The following MIPOL1 variants were observed in gnomAD, a reference collection of about 807,000 sequenced individuals.
MIPOL1 encodes mirror-image polydactyly 1.
Under a neutral mutation model 60.9 loss-of-function variants are expected in MIPOL1, and 57 were observed. The observed-to-expected ratio is 0.94, with a 90% CI of 0.76 to 1.17. The LOEUF (loss-of-function observed/expected upper bound fraction) is 1.17, where lower values mean the gene tolerates loss of function less well. MIPOL1 is among the 50% of genes most tolerant of loss of function. MIPOL1 has a pLI of 0.00. For synonymous variants in MIPOL1, 179 were observed against 168.8 expected (o/e 1.06, Z -0.47); for missense variants, 551 against 511.6 (o/e 1.08, Z -0.74).
chr14:37,286,755 T>C (rs1403833337), intron 7 of MIPOL1, among the ~76,000 whole-genome samples: 1 of 152,022 alleles, frequency 6.6e-6, no homozygotes, highest in Non-Finnish European at 1.5e-5. Context: ...TTATACAGCA[T>C]TAAACTCATT....
intron 11 of MIPOL1, chr14:37,423,391 A>G (rs2093909515): frequency 6.6e-6 from 1 of 151,372 alleles, no homozygotes; most frequent in Non-Finnish European, 1.5e-5. Context: ...AATATGACAG[A>G]CTTATTAATT....
chr14:37,440,625 A>G (rs1438071610), intron 11 of MIPOL1, among the ~76,000 whole-genome samples: 2 of 152,154 alleles, frequency 1.3e-5, no homozygotes, highest in Admixed American at 6.6e-5. Context: ...TTTATAGCTG[A>G]GTAGTATTCT....
At chr14:37,360,763 A>C (rs556363130) in intron 9 of MIPOL1, among the ~76,000 whole-genome samples, 6 of 152,274 alleles carry the variant, frequency 3.9e-5, no homozygotes, top group African/African-American at 1.2e-4. Flanking sequence ...CTTTTCAAAA[A>C]ACCAGCTCCT....
chr14:37,220,641 C>T (rs1436544028), intron 1 of MIPOL1, among the ~76,000 whole-genome samples: 1 of 152,186 alleles, frequency 6.6e-6, no homozygotes, highest in Non-Finnish European at 1.5e-5. Flanking sequence ...AATGCACTGT[C>T]ACAATTTCCT....
intron 11 of MIPOL1, among the ~76,000 whole-genome samples, chr14:37,464,656 G>A (rs1014215882): frequency 6.6e-6 from 1 of 152,104 alleles, no homozygotes; most frequent in African/African-American, 2.4e-5. Flanking sequence ...TTTGGGTGGT[G>A]GCTGTACTAA....
chr14:37,209,766 CA>C (rs1210126138), intron 1 of MIPOL1, among the ~76,000 whole-genome samples: 1 of 152,086 alleles, frequency 6.6e-6, no homozygotes, highest in Non-Finnish European at 1.5e-5. Flanking sequence ...TACAGTGGTG[CA>C]AACATGGCTC....
chr14:37,445,628 CA>C (rs1480687861), intron 11 of MIPOL1, among the ~76,000 whole-genome samples: 2 of 151,390 alleles, frequency 1.3e-5, no homozygotes, highest in East Asian at 3.9e-4. Context: ...AATCCTAAGC[CA>C]AAAGAACAAA....
At chr14:37,295,630 CA>C (rs1240188618) in intron 7 of MIPOL1, among the ~76,000 whole-genome samples, 2 of 151,450 alleles carry the variant, frequency 1.3e-5, no homozygotes, top group Non-Finnish European at 2.9e-5. Context: ...AAATGGAAAA[CA>C]AAAAAAGGCA....
chr14:37,497,048 A>C (rs931002619), intron 11 of MIPOL1, among the ~76,000 whole-genome samples: 1 of 152,012 alleles, frequency 6.6e-6, no homozygotes, highest in Non-Finnish European at 1.5e-5. Flanking sequence ...TGGGGAAAGG[A>C]TTCCCTATTT....
chr14:37,231,133 C>T (rs966919235), intron 1 of MIPOL1, among the ~76,000 whole-genome samples: 28 of 152,108 alleles, frequency 1.8e-4, no homozygotes, highest in Admixed American at 1.2e-3. Context: ...CTTGCTGTAT[C>T]GCCCAGGCTG....
intron 12 of MIPOL1, chr14:37,523,381 T>G (rs2095426443): frequency 2.9e-6 from 1 of 346,492 alleles, no homozygotes; most frequent in East Asian, 3.9e-5. Flanking sequence ...AAGTGAAAAT[T>G]TAAACACAAA....
At chr14:37,497,360 T>C (rs1184824696) in intron 11 of MIPOL1, among the ~76,000 whole-genome samples, 3 of 152,240 alleles carry the variant, frequency 2.0e-5, no homozygotes, top group Non-Finnish European at 4.4e-5. Context: ...TTAGGCATGA[T>C]AGGCAAATGC....
At chr14:37,472,877 T>TACAG (rs2094709952) in intron 11 of MIPOL1, among the ~76,000 whole-genome samples, 2 of 152,290 alleles carry the variant, frequency 1.3e-5, no homozygotes, top group South Asian at 4.1e-4. Flanking sequence ...CAATATGTTT[T>TACAG]ACAGACCACT....
chr14:37,364,535 G>A (rs1295319892), intron 9 of MIPOL1, among the ~76,000 whole-genome samples: 1 of 152,138 alleles, frequency 6.6e-6, no homozygotes, highest in Admixed American at 6.5e-5. Flanking sequence ...TTAGTTCACT[G>A]TAGGTGTGTA....
rs1235353745 is a variant in MIPOL1, at chr14:37,266,986, G to T, written c.68G>T (p.Ser23Ile). The change falls in exon 4 of 13, where the codon AGT becomes ATT. Residue 23 changes from serine (S) to isoleucine (I), a missense_variant. Transcript: ENST00000684589. ...LEQETTGINKSTQPDEQLTMN... is the reference protein window; with the variant it reads ...LEQETTGINKITQPDEQLTMN... ...CAAGAAACTACGGGGATAAATAAAA[G>T]TACGCAGCCAGATGAGCAACTGACT... 1 of 1,613,618 alleles carries T rather than the reference G, an allele frequency of 6.2e-7. No homozygotes were observed.
intron 11 of MIPOL1, among the ~76,000 whole-genome samples, chr14:37,468,886 T>A (rs559675043): frequency 3.3e-5 from 5 of 152,238 alleles, no homozygotes; most frequent in African/African-American, 1.2e-4. Context: ...CTAGGGGACT[T>A]GAAGGTTATT....
chr14:37,484,738 C>T (rs532573742), intron 11 of MIPOL1, among the ~76,000 whole-genome samples: 113 of 152,090 alleles, frequency 7.4e-4, no homozygotes, highest in Non-Finnish European at 1.4e-3. Context: ...GTTCTCTCTT[C>T]CAGTTCTCTT....
chr14:37,452,750 A>G (rs1175036245), intron 11 of MIPOL1, among the ~76,000 whole-genome samples: 2 of 152,226 alleles, frequency 1.3e-5, no homozygotes, highest in African/African-American at 4.8e-5. Context: ...ACTTAGGGGC[A>G]TATTATCAAG....
At chr14:37,500,892 A>G (rs965335085) in intron 12 of MIPOL1, among the ~76,000 whole-genome samples, 7 of 152,194 alleles carry the variant, frequency 4.6e-5, no homozygotes, top group Admixed American at 1.3e-4. Context: ...TAACAGCACT[A>G]CAGCATTCAC....
Sources: gnomAD v4.1 joint callset for allele counts (sites outside exome capture counted in the v4.1 genomes callset) on GRCh38, gnomAD v4.1.1 for gene constraint, MANE v1.5 for transcripts, NCBI Gene and HGNC (gene_info 2026-07-23, HGNC 2026-07-21) for gene names.